Variants in SLC35F4 observed in about 807,000 individuals in gnomAD.
SLC35F4 encodes chromosome 14 open reading frame 36.
A neutral mutation model predicts 44.2 loss-of-function variants in SLC35F4; 24 were observed. That is an observed-to-expected ratio of 0.54 (90% CI 0.39 to 0.76). The LOEUF is 0.76. SLC35F4 is among the 30% of genes least tolerant of loss of function. SLC35F4 has a pLI of 0.00. For missense variants in SLC35F4, 562 were observed against 586.1 expected (o/e 0.96, Z 0.42); for synonymous variants, 238 against 223.6 (o/e 1.06, Z -0.57).
chr14:57,710,047 G>T (rs964585337), intron 1 of SLC35F4, among the ~76,000 whole-genome samples: 3 of 152,218 alleles, frequency 2.0e-5, no homozygotes, highest in African/African-American at 7.2e-5. Context: ...TCCAGGGCAT[G>T]TCAGAGACCT....
chr14:57,717,806 A>C (rs2075982208), intron 1 of SLC35F4, among the ~76,000 whole-genome samples: 1 of 152,216 alleles, frequency 6.6e-6, no homozygotes, highest in East Asian at 1.9e-4. Flanking sequence ...AATAATCATA[A>C]CATGGAAAAT....
chr14:57,865,762 C>G lies in SLC35F4; in HGVS notation c.64G>C (p.Gly22Arg). The G allele has an allele frequency of 6.6e-7, 1 of 1,523,718 alleles. No homozygotes were observed. The highest frequency in any genetic ancestry group is 8.8e-7 in the Non-Finnish European group (1 of 1,141,934). 94.4% of individuals were successfully genotyped at this position (1,523,718 alleles called of 1,614,324 possible). Reference protein sequence around the residue: ...TIEDRILRITGYYGYYPGYSS... With the variant: ...TIEDRILRITRYYGYYPGYSS... Reference sequence around the variant, plus strand: ...TAACCTGGATAATAGCCATAGTAGCCGGTGATCCGCAGGATCCGGTCCTCG... The same window carrying G: ...TAACCTGGATAATAGCCATAGTAGCGGGTGATCCGCAGGATCCGGTCCTCG... Residue 22 changes from glycine to arginine, a missense_variant, in exon 1 of 8, where the codon GGC (glycine) becomes CGC (arginine). Gly to Arg is a moderately radical substitution (Grantham distance 125, BLOSUM62 -2). Transcript: ENST00000556826.
intron 1 of SLC35F4, among the ~76,000 whole-genome samples, chr14:57,642,167 C>T (rs2073275917): frequency 6.6e-6 from 1 of 151,924 alleles, no homozygotes; most frequent in Non-Finnish European, 1.5e-5. Context: ...GCTAAGGTGA[C>T]ATGGGGAGGT....
intron 1 of SLC35F4, among the ~76,000 whole-genome samples, chr14:57,851,798 G>A (rs1886597982): frequency 6.6e-6 from 1 of 152,164 alleles, no homozygotes; most frequent in Non-Finnish European, 1.5e-5. Flanking sequence ...ACCAGTGTTG[G>A]TTTCTTCATT....
At chr14:57,912,129 C>A (rs1024477473) in intron 1 of SLC35F4, among the ~76,000 whole-genome samples, 21 of 151,750 alleles carry the variant, frequency 1.4e-4, no homozygotes, top group African/African-American at 5.1e-4. Context: ...TCTTTCATTT[C>A]TGTTATTAGT....
chr14:57,808,634 T>TA (rs1434372624), intron 1 of SLC35F4, among the ~76,000 whole-genome samples: 2 of 149,526 alleles, frequency 1.3e-5, no homozygotes, highest in Non-Finnish European at 2.9e-5. Context: ...CCCATTTCTA[T>TA]AAAAAATTAA....
intron 1 of SLC35F4, among the ~76,000 whole-genome samples, chr14:57,874,970 G>GAATGAATAAATA (rs149373236): frequency 3.3e-5 from 5 of 149,724 alleles, no homozygotes; most frequent in African/African-American, 1.2e-4. Context: ...AGAGGCAGTG[G>GAATGAATAAATA]AATAAATAAA....
At chr14:57,655,701 G>A (rs1417176992) in intron 1 of SLC35F4, among the ~76,000 whole-genome samples, 1 of 152,066 alleles carries the variant, frequency 6.6e-6, no homozygotes, top group Non-Finnish European at 1.5e-5. Flanking sequence ...TCGCACCTCA[G>A]GCACCCAAGA....
chr14:57,599,983 A>G (rs2070720352), intron 1 of SLC35F4, among the ~76,000 whole-genome samples: 1 of 152,262 alleles, frequency 6.6e-6, no homozygotes, highest in Admixed American at 6.5e-5. Flanking sequence ...GAGATAAGAC[A>G]GCCTCTTTCT....
intron 1 of SLC35F4, among the ~76,000 whole-genome samples, chr14:57,739,615 G>A (rs1032653254): frequency 6.6e-6 from 1 of 152,184 alleles, no homozygotes; most frequent in African/African-American, 2.4e-5. Flanking sequence ...GCCGTTTGTG[G>A]ATTGTGTTGC....
chr14:57,652,286 C>T (rs2073809751), intron 1 of SLC35F4, among the ~76,000 whole-genome samples: 1 of 152,154 alleles, frequency 6.6e-6, no homozygotes, highest in African/African-American at 2.4e-5. Context: ...AAAGAAACCC[C>T]ATGGACAGGC....
At chr14:57,832,023 G>A (rs1461057336) in intron 1 of SLC35F4, among the ~76,000 whole-genome samples, 1 of 152,186 alleles carries the variant, frequency 6.6e-6, no homozygotes, top group Middle Eastern at 3.2e-3. Flanking sequence ...AATGACTCAG[G>A]AGTCCCACTG....
intron 1 of SLC35F4, among the ~76,000 whole-genome samples, chr14:57,770,091 A>G (rs1412294029): frequency 6.6e-6 from 1 of 152,194 alleles, no homozygotes; most frequent in East Asian, 1.9e-4. Context: ...TTCTGTGTAC[A>G]GTAGAGCAGG....
intron 1 of SLC35F4, among the ~76,000 whole-genome samples, chr14:57,733,305 T>C (rs918387792): frequency 2.0e-5 from 3 of 150,952 alleles, no homozygotes; most frequent in Admixed American, 6.6e-5. Context: ...TGCTGCCTTG[T>C]CTAAGAATGG....
At chr14:57,977,008 T>C (rs1325282720) in intron 1 of SLC35F4, 1 of 152,114 alleles carries the variant, frequency 6.6e-6, no homozygotes, top group East Asian at 1.9e-4. Context: ...GACATATATG[T>C]GCTAAGAGGT....
chr14:57,635,932 A>G (rs980377741), intron 1 of SLC35F4, among the ~76,000 whole-genome samples: 2 of 152,140 alleles, frequency 1.3e-5, no homozygotes, highest in Non-Finnish European at 2.9e-5. Context: ...AAAGCAAGAG[A>G]AATGGAGCCT....
intron 1 of SLC35F4, among the ~76,000 whole-genome samples, chr14:57,708,515 A>ATGGT (rs2075733665): frequency 6.6e-6 from 1 of 152,246 alleles, no homozygotes; most frequent in Non-Finnish European, 1.5e-5. Flanking sequence ...AACTTGTTGA[A>ATGGT]TGGTTTTGAC....
intron 1 of SLC35F4, among the ~76,000 whole-genome samples, chr14:57,732,738 T>C (rs1231129724): frequency 2.0e-5 from 3 of 152,132 alleles, no homozygotes; most frequent in Non-Finnish European, 4.4e-5. Flanking sequence ...TAAGAAATCT[T>C]ATTATAGTTG....
chr14:57,667,385 C>T (rs976931411), intron 1 of SLC35F4, among the ~76,000 whole-genome samples: 12 of 99,770 alleles, frequency 1.2e-4, no homozygotes, highest in South Asian at 3.5e-4. Flanking sequence ...ATGTGCACAA[C>T]GTGCAGGTTA....
Sources: allele counts gnomAD v4.1 joint callset (sites outside exome capture counted in the v4.1 genomes callset), GRCh38; gene constraint gnomAD v4.1.1; transcripts MANE v1.5; gene names NCBI Gene and HGNC (gene_info 2026-07-23, HGNC 2026-07-21).